The following FOXK2 variants were observed in gnomAD, a reference collection of about 807,000 sequenced individuals.
FOXK2 encodes the protein forkhead box K2.
Under a neutral mutation model 53.3 loss-of-function variants are expected in FOXK2, and 24 were observed. That is an observed-to-expected ratio of 0.45 (90% CI 0.33 to 0.63). The LOEUF (loss-of-function observed/expected upper bound fraction) is 0.63. Among genes scored for constraint, FOXK2 ranks in the 30% least tolerant of loss-of-function variants. FOXK2 has a pLI of 0.03. For synonymous variants in FOXK2, 505 were observed against 407.1 expected (o/e 1.24, Z -2.89); for missense variants, 952 against 910.5 (o/e 1.05, Z -0.59).
At chr17:82,528,005 C>T (rs2044435419) in intron 1 of FOXK2, among the ~76,000 whole-genome samples, 1 of 152,022 alleles carries the variant, frequency 6.6e-6, no homozygotes, top group East Asian at 1.9e-4. Flanking sequence ...GCTATGTTGC[C>T]CAGGCTGGTC....
intron 1 of FOXK2, among the ~76,000 whole-genome samples, chr17:82,527,861 C>T (rs2044433578): frequency 6.6e-6 from 1 of 152,156 alleles, no homozygotes; most frequent in South Asian, 2.1e-4. Flanking sequence ...AGTACAGTGG[C>T]ACCATCATAG....
chr17:82,533,572 G>A (rs747095002), intron 1 of FOXK2, among the ~76,000 whole-genome samples: 13 of 152,046 alleles, frequency 8.6e-5, no homozygotes, highest in Middle Eastern at 3.2e-3. Context: ...GTACGCGATC[G>A]TATGTGCTGT....
chr17:82,520,991 C>A (rs1398127226), intron 1 of FOXK2, among the ~76,000 whole-genome samples: 1 of 152,172 alleles, frequency 6.6e-6, no homozygotes, highest in Admixed American at 6.5e-5. Flanking sequence ...AGTGTTAAGT[C>A]AGCCTGATAG....
chr17:82,538,696 C>A (rs1336448297), intron 1 of FOXK2, among the ~76,000 whole-genome samples: 1 of 152,118 alleles, frequency 6.6e-6, no homozygotes, highest in African/African-American at 2.4e-5. Flanking sequence ...AGAACCCCAC[C>A]AAACTTAGGA....
At chr17:82,585,794 C>G (rs2045131013) in intron 6 of FOXK2, 110 bp from the exon 7 acceptor site, 2 of 1,077,228 alleles carry the variant, frequency 1.9e-6, no homozygotes, top group South Asian at 1.5e-5. Context: ...AGGGCCATAT[C>G]CTATATTTTA....
chr17:82,589,874 C>T (rs1377305173), intron 8 of FOXK2, among the ~76,000 whole-genome samples: 2 of 152,026 alleles, frequency 1.3e-5, no homozygotes, highest in Non-Finnish European at 2.9e-5. Context: ...GGTGAAACTC[C>T]GTCTCTACTA....
At chr17:82,597,273 AG>A (rs1567990451) in intron 8 of FOXK2, among the ~76,000 whole-genome samples, 2 of 152,180 alleles carry the variant, frequency 1.3e-5, no homozygotes, top group Admixed American at 1.3e-4. Flanking sequence ...TTAGATCAAC[AG>A]AGTCAGTGCC....
rs954355873 is a variant in FOXK2 at position 82,601,216 on chromosome 17, C to T, written c.1787-87C>T. ...CACATGAGAGCGTGGGGTTCTGACTCGCGAGGGTTCACGTGAGAGCGTGGG... is the reference window on the plus strand; with the variant it reads ...CACATGAGAGCGTGGGGTTCTGACTTGCGAGGGTTCACGTGAGAGCGTGGG... On this transcript the variant is annotated intron_variant, in intron 8 of 8. Coordinates refer to ENST00000335255, the MANE Select transcript of FOXK2 (RefSeq NM_004514.4). 2.6e-5 allele frequency: 36 copies of T among 1,392,624 alleles called. No individual in the cohort carries two copies. The South Asian group carries it at 3.5e-4, about 13-fold the overall frequency. 86.3% of individuals were successfully genotyped at this position (1,392,624 alleles called of 1,614,324 possible).
At chr17:82,564,734 G>GTTTTTTTTTTTTTTTTTT (rs11452758) in intron 2 of FOXK2, among the ~76,000 whole-genome samples, 4 of 138,048 alleles carry the variant, frequency 2.9e-5, no homozygotes, top group African/African-American at 1.1e-4. Flanking sequence ...TAGTCAAATG[G>GTTTTTTTTTTTTTTTTTT]TTTTTTTTTT....
chr17:82,538,542 G>A (rs1242897806), intron 1 of FOXK2, among the ~76,000 whole-genome samples: 1 of 152,212 alleles, frequency 6.6e-6, no homozygotes, highest in Non-Finnish European at 1.5e-5. Context: ...CCTCGCATTT[G>A]CCTTCGTTGT....
At chr17:82,559,535 A>G (rs563647661) in intron 1 of FOXK2, 43 of 455,696 alleles carry the variant, frequency 9.4e-5, no homozygotes, top group African/African-American at 6.6e-4. Flanking sequence ...CGGGCTGCTC[A>G]TTAGCAGTGA....
intron 2 of FOXK2, among the ~76,000 whole-genome samples, chr17:82,565,118 C>T (rs977069550): frequency 7.2e-5 from 11 of 152,098 alleles, no homozygotes; most frequent in African/African-American, 2.4e-4. Flanking sequence ...ACGGTATGTC[C>T]ACATGGAAAA....
intron 6 of FOXK2, among the ~76,000 whole-genome samples, chr17:82,584,776 C>T (rs548431215): frequency 6.6e-6 from 1 of 152,164 alleles, no homozygotes; most frequent in Admixed American, 6.5e-5. Flanking sequence ...AATCTCTTGA[C>T]CTCGTGACCT....
chr17:82,597,086 C>G lies in FOXK2; in HGVS notation c.1787-4217C>G, dbSNP rs559555912. ...GGGGCAGGGTCGCCTCCAGGCCCCA[C>G]GCGCTAAGCCGTGACTCCCTGTAAC... On this transcript the variant is annotated intron_variant, in intron 8 of 8. Coordinates refer to ENST00000335255, the MANE Select transcript of FOXK2 (RefSeq NM_004514.4). Among the ~76,000 whole-genome samples the G allele has an allele frequency of 2.6e-5, 4 of 152,292 alleles. No homozygotes were observed. In the East Asian group the frequency reaches 5.8e-4, roughly 22 times the overall value.
chr17:82,601,361 C>T lies in FOXK2; in HGVS notation c.1845C>T (p.Pro615=). ...ATHASASASL[P]TKRHNGDQPE... is the part of the protein sequence containing the mutation. ...ACGCATCCGCATCGGCCTCCCTGCC[C>T]ACAAAGCGCCACAACGGTGACCAGC... is the stretch of plus-strand genomic sequence containing the variant. The change falls in exon 9 of 9, where the codon CCC becomes CCT. Residue 615 remains proline, a synonymous_variant. Coordinates refer to ENST00000335255, the MANE Select transcript of FOXK2 (RefSeq NM_004514.4). The T allele has an allele frequency of 6.2e-7, 1 of 1,613,418 alleles. No individual in the cohort carries two copies. The highest frequency in any genetic ancestry group is 8.5e-7 in the Non-Finnish European group (1 of 1,180,034).
At chr17:82,563,064 C>A (rs1198612512) in intron 1 of FOXK2, among the ~76,000 whole-genome samples, 1 of 152,132 alleles carries the variant, frequency 6.6e-6, no homozygotes, top group Middle Eastern at 3.2e-3. Context: ...GCCTCAGCCT[C>A]CCAAAGTGCT....
At position 82,563,488 on chromosome 17, in the gene FOXK2, A is replaced by G. The variant is rs769608161; in HGVS notation, c.554A>G (p.Asn185Ser). Residue 185 changes from asparagine to serine, a missense_variant, in exon 2 of 9, where the codon AAC becomes AGC. Around this residue, in one of 5 missense-constraint regions of FOXK2, gnomAD observed 76 missense variants for 128.2 expected, o/e 0.59. Coordinates refer to ENST00000335255, the MANE Select transcript of FOXK2 (RefSeq NM_004514.4). ...CCACACATCTCGCCCCTGACCATCA[A>G]CATTCCAGACACCATGGCCCACCTC... The part of the protein sequence containing the change: ...VQPHISPLTI[N>S]IPDTMAHLIS... 4 of 1,614,044 alleles carry G rather than the reference A, an allele frequency of 2.5e-6. No homozygotes were observed. Among genetic ancestry groups the G allele is most frequent in the South Asian group, 2.2e-5 (2 of 91,078 alleles).
intron 8 of FOXK2, 162 bp from the exon 9 acceptor site, chr17:82,601,138 TGTG>T (rs2045377733): frequency 1.4e-5 from 10 of 739,880 alleles, no homozygotes; most frequent in Middle Eastern, 4.0e-4. Context: ...CCTGGGGTCT[TGTG>T]GGAGCCTCCG....
chr17:82,571,181 T>C (rs746151540), intron 3 of FOXK2, among the ~76,000 whole-genome samples: 2 of 152,158 alleles, frequency 1.3e-5, no homozygotes, highest in African/African-American at 2.4e-5. Context: ...TCCACTGAGG[T>C]CAAGCAGCCT....
Sources: allele counts gnomAD v4.1 joint callset (sites outside exome capture counted in the v4.1 genomes callset), GRCh38; gene constraint gnomAD v4.1.1; regional missense constraint gnomAD v4.1.1; transcripts MANE v1.5; gene names NCBI Gene and HGNC (gene_info 2026-07-23, HGNC 2026-07-21).